The following DIP2A variants were observed in gnomAD, a reference collection of about 807,000 sequenced individuals.
DIP2A encodes the protein disco-interacting protein 2 homolog A.
Under a neutral mutation model 177.4 loss-of-function variants are expected in DIP2A, and 85 were observed. That is an observed-to-expected ratio of 0.48 (90% CI 0.40 to 0.57). The LOEUF (loss-of-function observed/expected upper bound fraction) is 0.57, where lower values mean the gene tolerates loss of function less well. Among genes scored for constraint, DIP2A ranks in the 20% least tolerant of loss-of-function variants. DIP2A has a pLI of 0.00. For synonymous variants in DIP2A, 886 were observed against 881.8 expected (o/e 1.00, Z -0.08); for missense variants, 1,791 against 2,100.2 (o/e 0.85, Z 2.88).
At chr21:46,479,197 A>G (rs1485133873) in intron 1 of DIP2A, among the ~76,000 whole-genome samples, 2 of 152,138 alleles carry the variant, frequency 1.3e-5, no homozygotes, top group Non-Finnish European at 2.9e-5. Flanking sequence ...CAGTTCAGCT[A>G]CTTGGTGATT....
intron 1 of DIP2A, among the ~76,000 whole-genome samples, chr21:46,461,293 A>AAAAAAAAAAAAAAAAG (rs2054289101): frequency 6.9e-6 from 1 of 145,982 alleles, no homozygotes; most frequent in Non-Finnish European, 1.5e-5. Flanking sequence ...AAAAAAAAAA[A>AAAAAAAAAAAAAAAAG]GGAAAGAAAT....
chr21:46,533,052 A>G (rs1478096865), intron 10 of DIP2A, among the ~76,000 whole-genome samples: 1 of 152,250 alleles, frequency 6.6e-6, no homozygotes, highest in African/African-American at 2.4e-5. Flanking sequence ...TCAAATTTAT[A>G]TGAAGAAAAT....
chr21:46,482,378 A>G (rs1164190654), intron 1 of DIP2A, among the ~76,000 whole-genome samples: 1 of 152,236 alleles, frequency 6.6e-6, no homozygotes, highest in African/African-American at 2.4e-5. Context: ...ATTGTAACAC[A>G]ACACATTACT....
rs1428453181 is a variant in DIP2A, at chr21:46,498,330, T to C, written c.404-252T>C. On this transcript the variant is annotated intron_variant, in intron 4 of 37. Transcript: ENST00000417564. This position sits in a 1 kb window ranked among gnomAD's most constrained non-coding sequence, Gnocchi z 4.3. ...AGAGGCTGTCTTCACTGAGTGTGTCTGGTACCCTGTGGCTGAGTTCTCTCT... is the reference window on the plus strand; with the variant it reads ...AGAGGCTGTCTTCACTGAGTGTGTCCGGTACCCTGTGGCTGAGTTCTCTCT... 6.6e-6 allele frequency among the ~76,000 whole-genome samples: 1 copy of C among 152,198 alleles called. No individual in the cohort carries two copies. Among genetic ancestry groups the C allele is most frequent in the Non-Finnish European group, 1.5e-5 (1 of 68,028 alleles).
At chr21:46,485,363 T>C (rs1359572899) in intron 2 of DIP2A, among the ~76,000 whole-genome samples, 1 of 152,132 alleles carries the variant, frequency 6.6e-6, no homozygotes, top group Admixed American at 6.5e-5. Context: ...AACCAGGATA[T>C]GAAGAGTTAT....
intron 3 of DIP2A, among the ~76,000 whole-genome samples, chr21:46,493,414 C>G (rs1391739018): frequency 1.3e-5 from 2 of 152,150 alleles, no homozygotes; most frequent in Non-Finnish European, 2.9e-5. Context: ...TTCTTGCTCT[C>G]TTTTCGTGAG....
intron 17 of DIP2A, among the ~76,000 whole-genome samples, chr21:46,541,066 A>G (rs1034815483): frequency 6.6e-6 from 1 of 152,204 alleles, no homozygotes; most frequent in East Asian, 1.9e-4. Flanking sequence ...AACATTAAAA[A>G]AACGCTATTG....
chr21:46,547,593 C>T (rs553637463), intron 21 of DIP2A, among the ~76,000 whole-genome samples: 1 of 149,520 alleles, frequency 6.7e-6, no homozygotes, highest in African/African-American at 2.5e-5. Flanking sequence ...GGAGGAAGCT[C>T]TTCCCCTAAC....
downstream of DIP2A, among the ~76,000 whole-genome samples, chr21:46,572,692 C>T (rs1223091619): frequency 6.6e-6 from 1 of 152,164 alleles, no homozygotes; most frequent in Non-Finnish European, 1.5e-5. Flanking sequence ...GGCCCTCAAC[C>T]TTGGACTTCT....
intron 5 of DIP2A, 192 bp from the exon 6 acceptor site, chr21:46,504,169 A>G (rs2057853000): frequency 4.3e-6 from 3 of 697,512 alleles, no homozygotes; most frequent in South Asian, 1.7e-5. Context: ...AGATGTCTGC[A>G]TAACGTGTCT....
chr21:46,531,626 A>G lies in DIP2A; in HGVS notation c.1195-501A>G, dbSNP rs1008175526. 2.0e-5 allele frequency among the ~76,000 whole-genome samples: 3 copies of G among 152,352 alleles called. 1 individual carries two copies. Among genetic ancestry groups the G allele is most frequent in the Admixed American group, 2.0e-4 (3 of 15,306 alleles). On this transcript the variant is annotated intron_variant, in intron 9 of 37. Transcript: ENST00000417564. ...TAGGTGAATCATAATAAAATGGACA[A>G]GGTCACAGTGATTGAGTTGAAGAAA...
Position 46,534,123 on chromosome 21 carries a change from G to A in DIP2A, c.1539+10G>A, listed in dbSNP as rs374286966. 4 of 1,595,914 alleles carry A rather than the reference G, an allele frequency of 2.5e-6. No homozygotes were observed. Among genetic ancestry groups the A allele is most frequent in the Non-Finnish European group, 8.6e-7 (1 of 1,164,512 alleles). Reference sequence around the variant, plus strand: ...GACTGCCTACATTGAGGTAATGACTGTTCCTAACTTAGAGAATGTAAAAAC... The same window carrying A: ...GACTGCCTACATTGAGGTAATGACTATTCCTAACTTAGAGAATGTAAAAAC... On this transcript the variant is annotated intron_variant, in intron 12 of 37. Coordinates refer to ENST00000417564, the MANE Select transcript of DIP2A (RefSeq NM_015151.4).
chr21:46,551,921 C>T lies in DIP2A; in HGVS notation c.3030+17C>T, dbSNP rs1196588323. The T allele has an allele frequency of 1.9e-6, 3 of 1,585,754 alleles. No individual in the cohort carries two copies. The highest frequency in any genetic ancestry group is 1.8e-5 in the Admixed American group (1 of 56,550). On this transcript the variant is annotated intron_variant, in intron 25 of 37. Transcript: ENST00000417564. The stretch of plus-strand genomic sequence containing the variant: ...AACGCCAAGGTGAGGCAGTGTCACG[C>T]CCACGGGGCTTGGAAACACCTGTGG...
At chr21:46,552,047 T>C (rs920587335) in intron 25 of DIP2A, 143 bp downstream of exon 25, 14 of 993,640 alleles carry the variant, frequency 1.4e-5, no homozygotes, top group Non-Finnish European at 1.7e-5. Flanking sequence ...CCGTCCTGGT[T>C]GTTCTCATGC....
chr21:46,546,065 C>G, intron 20 of DIP2A, 104 bp downstream of exon 20: 1 of 1,584,654 alleles, frequency 6.3e-7, no homozygotes, highest in East Asian at 2.3e-5. Context: ...CGTTCCTGAC[C>G]TCCCATGTGG....
chr21:46,534,810 A>C, intron 13 of DIP2A, 123 bp downstream of exon 13: 4 of 776,388 alleles, frequency 5.2e-6, no homozygotes, highest in Non-Finnish European at 6.2e-6. Flanking sequence ...TTGCCCATTA[A>C]TCCGGGTCAT....
chr21:46,556,739 A>G lies in DIP2A; in HGVS notation c.3499-200A>G, dbSNP rs971104902. 20 of 553,270 alleles carry G rather than the reference A, an allele frequency of 3.6e-5. No homozygotes were observed. Among genetic ancestry groups the G allele is most frequent in the African/African-American group, 3.4e-4 (18 of 52,484 alleles). The allele number at this position is 553,270 out of a possible 1,614,324, so 34.3% of individuals were successfully genotyped here. On this transcript the variant is annotated intron_variant, in intron 29 of 37. Coordinates refer to ENST00000417564, the MANE Select transcript of DIP2A (RefSeq NM_015151.4). This position sits in a 1 kb window ranked among gnomAD's most constrained non-coding sequence, Gnocchi z 4.5. ...TTCATTACCCTGAAATTTTGTTTCA[A>G]AGATTTTTAGTGTACCATTTCTTGG... is the stretch of plus-strand genomic sequence containing the variant.
At chr21:46,560,632 C>T in intron 32 of DIP2A, 90 bp from the exon 33 acceptor site, 1 of 1,525,252 alleles carries the variant, frequency 6.6e-7, no homozygotes, top group Middle Eastern at 1.7e-4. Flanking sequence ...CCCCGGGGGC[C>T]AGGGAGGAGC....
At chr21:46,555,812 C>T (rs564261007) in intron 28 of DIP2A, 170 bp from the exon 29 acceptor site, 29 of 632,516 alleles carry the variant, frequency 4.6e-5, no homozygotes, top group African/African-American at 3.6e-4. Context: ...GAATGAAATA[C>T]GCTTTCCTGA....
Sources: gnomAD v4.1 joint callset for allele counts (sites outside exome capture counted in the v4.1 genomes callset) on GRCh38, gnomAD v4.1.1 for gene constraint, Gnocchi (gnomAD v3.1) non-coding constraint, MANE v1.5 for transcripts, NCBI Gene and HGNC (gene_info 2026-07-23, HGNC 2026-07-21) for gene names.